The following CRIM1 variants were observed in gnomAD, a reference collection of about 807,000 sequenced individuals.
CRIM1 encodes the protein cysteine rich transmembrane BMP regulator 1.
In CRIM1, 32 loss-of-function variants were observed where a neutral mutation model predicts 116.4. The observed-to-expected ratio is 0.27, with a 90% CI of 0.21 to 0.37. CRIM1 has a LOEUF of 0.37. CRIM1 is among the 10% of genes least tolerant of loss of function. The pLI, the probability that CRIM1 is intolerant of heterozygous loss-of-function variation, is 1.00. For missense variants in CRIM1, 1,331 were observed against 1,354.8 expected, an observed-to-expected ratio of 0.98 and a Z score of 0.28; for synonymous variants, 590 against 509.2, an observed-to-expected ratio of 1.16 and a Z score of -2.13.
chr2:36,537,977 G>C (rs1398429967), intron 14 of CRIM1, among the ~76,000 whole-genome samples: 4 of 152,158 alleles, frequency 2.6e-5, no homozygotes, highest in African/African-American at 9.7e-5. Context: ...AAAGAATATA[G>C]TTCTGGTTCA....
intron 2 of CRIM1, among the ~76,000 whole-genome samples, chr2:36,397,582 C>T (rs1049355479): frequency 2.6e-5 from 4 of 152,036 alleles, no homozygotes; most frequent in African/African-American, 9.7e-5. Flanking sequence ...CTTAAATATA[C>T]CTCTTATCTC....
At chr2:36,511,854 A>T (rs1572899841) in intron 9 of CRIM1, among the ~76,000 whole-genome samples, 1 of 11,442 alleles carries the variant, frequency 8.7e-5, no homozygotes. Context: ...GAAGGGAGGG[A>T]GGGAGGGAGG....
chr2:36,503,731 G>A (rs567433277), intron 8 of CRIM1, among the ~76,000 whole-genome samples: 1 of 152,084 alleles, frequency 6.6e-6, no homozygotes, highest in Non-Finnish European at 1.5e-5. Flanking sequence ...TTCTATTGCA[G>A]CTGCTTTATA....
intron 1 of CRIM1, among the ~76,000 whole-genome samples, chr2:36,359,386 A>C (rs1298236927): frequency 6.6e-6 from 1 of 152,250 alleles, no homozygotes; most frequent in Non-Finnish European, 1.5e-5. Flanking sequence ...AGTAATTTTT[A>C]GCAGTGTTTA....
chr2:36,490,709 T>C (rs1279540189), intron 7 of CRIM1, among the ~76,000 whole-genome samples: 1 of 152,154 alleles, frequency 6.6e-6, no homozygotes, highest in African/African-American at 2.4e-5. Flanking sequence ...TACTTGTTTA[T>C]TCCTGCATCC....
At chr2:36,469,212 A>G (rs1429246413) in intron 5 of CRIM1, among the ~76,000 whole-genome samples, 1 of 152,152 alleles carries the variant, frequency 6.6e-6, no homozygotes, top group Non-Finnish European at 1.5e-5. Flanking sequence ...TGGGGTGGGG[A>G]TGGGAGCATT....
chr2:36,490,618 C>T (rs1464702858), intron 7 of CRIM1, among the ~76,000 whole-genome samples: 4 of 152,110 alleles, frequency 2.6e-5, no homozygotes, highest in Non-Finnish European at 4.4e-5. Context: ...CCTTTGATCC[C>T]GGGTTCTTCT....
At chr2:36,372,877 C>T (rs957431729) in intron 1 of CRIM1, among the ~76,000 whole-genome samples, 4 of 152,106 alleles carry the variant, frequency 2.6e-5, no homozygotes, top group African/African-American at 9.7e-5. Context: ...AGCTGTAGAG[C>T]TCTGGTTGTC....
At position 36,543,309 on chromosome 2, in the gene CRIM1, C is replaced by T. The variant is rs1667082842; in HGVS notation, c.2624-1067C>T. ...CAAGTACTCTCTTCTCTATCACTTT[C>T]CTCTTCTCTCAAAGTCATCTTAAGG... is the stretch of plus-strand genomic sequence containing the variant. On this transcript the variant is annotated intron_variant, in intron 14 of 16. Coordinates refer to ENST00000280527, the MANE Select transcript of CRIM1 (RefSeq NM_016441.3). Among the ~76,000 whole-genome samples the T allele has an allele frequency of 5.3e-5, 8 of 152,314 alleles. No homozygotes were observed. In the South Asian group the frequency reaches 1.5e-3, roughly 28 times the overall value.
intron 8 of CRIM1, among the ~76,000 whole-genome samples, chr2:36,500,584 C>A (rs891081859): frequency 6.6e-6 from 1 of 152,194 alleles, no homozygotes; most frequent in African/African-American, 2.4e-5. Flanking sequence ...CATTTTAAAC[C>A]ATTTTCTAAC....
chr2:36,516,430 G>C (rs962070401), intron 11 of CRIM1, among the ~76,000 whole-genome samples: 1 of 152,062 alleles, frequency 6.6e-6, no homozygotes, highest in Non-Finnish European at 1.5e-5. Flanking sequence ...CATTTCCCCA[G>C]CAAAACTTCA....
chr2:36,466,846 C>T (rs1208550979), intron 5 of CRIM1, among the ~76,000 whole-genome samples: 1 of 152,204 alleles, frequency 6.6e-6, no homozygotes, highest in African/African-American at 2.4e-5. Flanking sequence ...CATTTGTCCC[C>T]TGAAAATATC....
intron 5 of CRIM1, among the ~76,000 whole-genome samples, chr2:36,465,404 T>C (rs1411667330): frequency 6.6e-6 from 1 of 152,220 alleles, no homozygotes; most frequent in African/African-American, 2.4e-5. Flanking sequence ...TACATGTCAA[T>C]AACCATTCAG....
intron 14 of CRIM1, among the ~76,000 whole-genome samples, chr2:36,542,634 T>A (rs1667026500): frequency 6.6e-6 from 1 of 152,218 alleles, no homozygotes; most frequent in African/African-American, 2.4e-5. Flanking sequence ...CACTGAGGCC[T>A]CAGAAACCAG....
At chr2:36,436,846 G>A (rs1675352774) in intron 2 of CRIM1, among the ~76,000 whole-genome samples, 1 of 152,100 alleles carries the variant, frequency 6.6e-6, no homozygotes, top group African/African-American at 2.4e-5. Flanking sequence ...TCCCCAAAAT[G>A]TAGCTATGCA....
intron 13 of CRIM1, among the ~76,000 whole-genome samples, chr2:36,535,366 C>A (rs72868410): frequency 1.2e-3 from 184 of 152,278 alleles, no homozygotes; most frequent in African/African-American, 4.2e-3. Flanking sequence ...TTTAAGGATT[C>A]CATATTAATC....
chr2:36,441,944 A>G (rs1021877469), intron 3 of CRIM1, among the ~76,000 whole-genome samples: 4 of 152,220 alleles, frequency 2.6e-5, no homozygotes, highest in Admixed American at 1.3e-4. Flanking sequence ...AAAACGCCAG[A>G]AGTTTCATAA....
intron 1 of CRIM1, among the ~76,000 whole-genome samples, chr2:36,393,241 A>G (rs1671756753): frequency 1.3e-5 from 2 of 152,206 alleles, no homozygotes; most frequent in East Asian, 1.9e-4. Context: ...AAATGTGCCC[A>G]GTATTCCAAG....
At chr2:36,415,762 C>G (rs1429255883) in intron 2 of CRIM1, among the ~76,000 whole-genome samples, 1 of 152,228 alleles carries the variant, frequency 6.6e-6, no homozygotes, top group Non-Finnish European at 1.5e-5. Flanking sequence ...TAACTGAGGA[C>G]TTATGTGGTA....
Sources: gnomAD v4.1 joint callset for allele counts (sites outside exome capture counted in the v4.1 genomes callset) on GRCh38, gnomAD v4.1.1 for gene constraint, MANE v1.5 for transcripts, NCBI Gene and HGNC (gene_info 2026-07-23, HGNC 2026-07-21) for gene names.